C22orf31: variants seen among roughly 807,000 people sequenced by gnomAD.
C22orf31 encodes the protein chromosome 22 open reading frame 31.
Under a neutral mutation model 15.0 loss-of-function variants are expected in C22orf31, and 11 were observed. The observed-to-expected ratio is 0.73, with a 90% CI of 0.46 to 1.21. C22orf31 has a LOEUF of 1.21. C22orf31 is among the 50% of genes most tolerant of loss of function. The probability of loss-of-function intolerance (pLI) is 0.00; values close to 1 mark genes in which losing one functional copy is unlikely to be tolerated. For missense variants in C22orf31, 340 were observed against 347.2 expected (o/e 0.98, Z 0.17); for synonymous variants, 132 against 133.3 (o/e 0.99, Z 0.07).
upstream of C22orf31, among the ~76,000 whole-genome samples, chr22:29,066,799 G>T (rs937463212): frequency 8.6e-5 from 13 of 151,894 alleles, no homozygotes; most frequent in Non-Finnish European, 1.5e-4. Flanking sequence ...GACCTCAGGT[G>T]ATCCACCTGC....
At chr22:29,064,386 G>C (rs1206378778), upstream of C22orf31, among the ~76,000 whole-genome samples, 2 of 152,216 alleles carry the variant, frequency 1.3e-5, no homozygotes, top group Non-Finnish European at 2.9e-5. Context: ...TTCCTCAGCT[G>C]TGAAATGGGC....
upstream of C22orf31, among the ~76,000 whole-genome samples, chr22:29,063,276 G>A (rs187486065): frequency 6.1e-4 from 93 of 152,052 alleles, no homozygotes; most frequent in African/African-American, 2.1e-3. Flanking sequence ...AGCAATTCTC[G>A]TGCATCAGCC....
chr22:29,060,034 T>A (rs868177155), intron 2 of C22orf31: 18,280 of 912,772 alleles, frequency 0.02, 274 homozygotes, highest in African/African-American at 0.059. Context: ...TTTTTTTTTT[T>A]TTTTTTTTTA....
In C22orf31 at chr22:29,060,486, T is replaced by C. The variant is rs769883139; in HGVS notation, c.361A>G (p.Lys121Glu). The C allele has an allele frequency of 8.1e-6, 13 of 1,614,106 alleles. No homozygotes were observed. In the South Asian group the frequency reaches 1.2e-4, roughly 15 times the overall value. The change falls in exon 2 of 3, where the codon AAA (lysine) becomes GAA (glutamate). Residue 121 changes from lysine to glutamate, a missense_variant. Physicochemically the swap from Lys to Glu is moderately conservative, Grantham distance 56. Coordinates refer to ENST00000216071, the MANE Select transcript of C22orf31 (RefSeq NM_015370.2). The stretch of plus-strand genomic sequence containing the variant: ...CTCTTGGAACTGATGAAGTTTCTTT[T>C]CCTGGCCTGCTGGGTGGCTTTCATC... ...SVMKATQQAR[K>E]RNFISSKSKQ... is the part of the protein sequence containing the mutation.
upstream of C22orf31, among the ~76,000 whole-genome samples, chr22:29,064,675 A>ATTTTTTTTT (rs563569423): frequency 9.7e-5 from 5 of 51,326 alleles, 1 homozygote; most frequent in African/African-American, 2.2e-4. Context: ...TTGCCCAGTG[A>ATTTTTTTTT]TTTTTTTTTT....
At position 29,060,853 on chromosome 22, in the gene C22orf31, TAAG is replaced by T. The variant is rs770522809; in HGVS notation, c.4-13_4-11del. 6.2e-6 allele frequency: 10 copies of T among 1,602,328 alleles called. No individual in the cohort carries two copies. Among genetic ancestry groups the T allele is most frequent in the Non-Finnish European group, 8.5e-6 (10 of 1,172,596 alleles). On this transcript the variant is annotated splice_polypyrimidine_tract_variant and intron_variant, in intron 1 of 2. Transcript: ENST00000216071. ...TCACATTGATTGGGTGCTAGAATTA[TAAG>T]GAGGGAGAAATGAATTTTAAAAGGA... is the stretch of plus-strand genomic sequence containing the variant.
At chr22:29,064,277 T>C (rs980746923), upstream of C22orf31, among the ~76,000 whole-genome samples, 3 of 152,206 alleles carry the variant, frequency 2.0e-5, no homozygotes, top group Admixed American at 2.0e-4. Context: ...CCTGTCCTTG[T>C]CATGAGACTT....
chr22:29,069,272 A>G, the C22orf31 span, among the ~76,000 whole-genome samples: 1 of 152,220 alleles, frequency 6.6e-6, no homozygotes, highest in African/African-American at 2.4e-5. Flanking sequence ...TCAAGTCTGC[A>G]GTAAACATTT....
At chr22:29,059,634 G>C in intron 2 of C22orf31, 2 of 957,062 alleles carry the variant, frequency 2.1e-6, no homozygotes, top group Non-Finnish European at 2.5e-6. Flanking sequence ...TACAGTCCGA[G>C]TTGGGATTTG....
chr22:29,066,143 G>A (rs1365803961), upstream of C22orf31, among the ~76,000 whole-genome samples: 2 of 151,784 alleles, frequency 1.3e-5, no homozygotes, highest in Admixed American at 6.6e-5. Context: ...AGCTAATAAA[G>A]AAGAAATTGA....
At chr22:29,072,644 A>G in the C22orf31 span, among the ~76,000 whole-genome samples, 2 of 152,196 alleles carry the variant, frequency 1.3e-5, no homozygotes, top group African/African-American at 2.4e-5. Context: ...TGCTGTTGTA[A>G]TTATTACCGC....
At chr22:29,060,159 G>T in intron 2 of C22orf31, 1 of 211,808 alleles carries the variant, frequency 4.7e-6, no homozygotes, top group Non-Finnish European at 7.9e-6. Flanking sequence ...AGCCTCCCAA[G>T]TAGCTGGGAT....
At chr22:29,073,036 C>G in the C22orf31 span, 1 of 206,376 alleles carries the variant, frequency 4.8e-6, no homozygotes, top group South Asian at 1.5e-4. This position sits in a 1 kb window ranked among gnomAD's most constrained non-coding sequence, Gnocchi z 4.4. Flanking sequence ...CGGGGCTACA[C>G]TCGGGCCCCG....
At chr22:29,062,342 T>G (rs900653169), upstream of C22orf31, among the ~76,000 whole-genome samples, 3 of 152,108 alleles carry the variant, frequency 2.0e-5, no homozygotes, top group African/African-American at 7.2e-5. Flanking sequence ...GGACCAGGAA[T>G]GAAAGAACAC....
chr22:29,062,184 A>G (rs2037397870), upstream of C22orf31, among the ~76,000 whole-genome samples: 1 of 152,096 alleles, frequency 6.6e-6, no homozygotes. Flanking sequence ...TGTTCTTAAG[A>G]AGTATGTTTT....
upstream of C22orf31, among the ~76,000 whole-genome samples, chr22:29,062,681 C>A (rs967700219): frequency 3.3e-5 from 5 of 152,060 alleles, no homozygotes; most frequent in Non-Finnish European, 7.4e-5. Context: ...CATGTGTTGC[C>A]TGCTTGCGTT....
rs370180216 is a variant in C22orf31 at position 29,060,832 on chromosome 22, A to G, written c.15T>C (p.Asn5=). 1.2e-6 allele frequency: 2 copies of G among 1,612,628 alleles called. No individual in the cohort carries two copies. The highest frequency in any genetic ancestry group is 1.3e-5 in the African/African-American group (1 of 74,838). Residue 5 remains asparagine, a synonymous_variant, in exon 2 of 3, where the codon AAT becomes AAC. Coordinates refer to ENST00000216071, the MANE Select transcript of C22orf31 (RefSeq NM_015370.2). The stretch of plus-strand genomic sequence containing the variant: ...TAGGGATGCTGGGGTCTCGTCTCAC[A>G]TTGATTGGGTGCTAGAATTATAAGG... The part of the protein sequence containing the change: MHPI[N]VRRDPSIPIY...
chr22:29,066,388 T>C (rs142000787), upstream of C22orf31, among the ~76,000 whole-genome samples: 15 of 152,240 alleles, frequency 9.9e-5, 1 homozygote, highest in African/African-American at 3.6e-4. Context: ...GGAGGACCAA[T>C]GATTTGGACC....
rs906196168 is a variant in C22orf31 at position 29,061,666 on chromosome 22, C to T, written c.3+124G>A. The T allele has an allele frequency of 1.3e-5, 9 of 675,486 alleles. No individual in the cohort carries two copies. The Admixed American group carries it at 2.2e-4, about 16-fold the overall frequency. 41.8% of individuals were successfully genotyped at this position (675,486 alleles called of 1,614,324 possible). A position where few individuals can be genotyped will look rare whatever the true frequency, so the allele number is the denominator to read the frequency against. Reference sequence around the variant, plus strand: ...TAAAAGCAACACGAAAACATTAATGCTGCCGGCCTCCATTTCCTGGGACCA... The same window carrying T: ...TAAAAGCAACACGAAAACATTAATGTTGCCGGCCTCCATTTCCTGGGACCA... On this transcript the variant is annotated intron_variant, in intron 1 of 2. Transcript: ENST00000216071.
Sources: allele counts gnomAD v4.1 joint callset (sites outside exome capture counted in the v4.1 genomes callset), GRCh38; gene constraint gnomAD v4.1.1; non-coding constraint Gnocchi (gnomAD v3.1); transcripts MANE v1.5; gene names NCBI Gene and HGNC (gene_info 2026-07-23, HGNC 2026-07-21).